RORA: variants seen among roughly 807,000 people sequenced by gnomAD.
RORA encodes the protein nuclear receptor ROR-alpha.
RORA carries 7 observed loss-of-function variants against 69.5 expected under a neutral mutation model. That is an observed-to-expected ratio of 0.10 (90% CI 0.06 to 0.19). RORA has a LOEUF of 0.19. Among genes scored for constraint, RORA ranks in the 10% least tolerant of loss-of-function variants. The pLI is 1.00. For missense variants in RORA, 457 were observed against 663.0 expected (o/e 0.69, Z 3.41); for synonymous variants, 261 against 240.8 (o/e 1.08, Z -0.78).
chr15:60,809,931 G>A (rs1013272849), intron 1 of RORA, among the ~76,000 whole-genome samples: 3 of 151,940 alleles, frequency 2.0e-5, no homozygotes, highest in Admixed American at 6.6e-5. Context: ...TCACCTTCTT[G>A]AAGCTATTTC....
intron 6 of RORA, among the ~76,000 whole-genome samples, chr15:60,504,096 C>T (rs759520971): frequency 2.0e-5 from 3 of 152,006 alleles, no homozygotes; most frequent in Non-Finnish European, 4.4e-5. Flanking sequence ...CCACCGTGCC[C>T]GGTCTGGATC....
chr15:60,500,840 G>C (rs1362666063), intron 9 of RORA, 119 bp downstream of exon 9: 2 of 574,534 alleles, frequency 3.5e-6, no homozygotes, highest in Non-Finnish European at 6.2e-6. Context: ...TTTAATAAGG[G>C]TGGAGACCTC....
intron 3 of RORA, among the ~76,000 whole-genome samples, chr15:60,522,771 A>T (rs1464892559): frequency 6.1e-5 from 2 of 32,978 alleles, no homozygotes; most frequent in South Asian, 3.8e-3. Flanking sequence ...CCTGTGTCTT[A>T]AAAAAAAAAA....
chr15:60,724,433 C>T (rs2071331912), intron 1 of RORA, among the ~76,000 whole-genome samples: 1 of 152,066 alleles, frequency 6.6e-6, no homozygotes, highest in African/African-American at 2.4e-5. Flanking sequence ...GTGGTAGAAC[C>T]AAGATTTGAA....
At chr15:61,098,299 GTCTC>G (rs1301495825) in intron 1 of RORA, among the ~76,000 whole-genome samples, 1 of 118,770 alleles carries the variant, frequency 8.4e-6, no homozygotes, top group Admixed American at 1.0e-4. Context: ...CTCCCTCACT[GTCTC>G]CCTCCCTCTC....
In RORA at chr15:60,906,935, T is replaced by C. The variant is rs191095513; in HGVS notation, c.167-228249A>G. On this transcript the variant is annotated intron_variant, in intron 1 of 10. Coordinates refer to ENST00000335670, the MANE Select transcript of RORA (RefSeq NM_134261.3). ...TTAATCCTCATAACAACTTTATGAG[T>C]TAGGAATTATTTCCTCTATTTTAAA... Among the ~76,000 whole-genome samples the C allele has an allele frequency of 3.9e-5, 6 of 152,248 alleles. No homozygotes were observed. In the East Asian group the frequency reaches 7.7e-4, roughly 20 times the overall value.
intron 1 of RORA, among the ~76,000 whole-genome samples, chr15:61,205,923 T>G (rs557857018): frequency 1.3e-5 from 2 of 152,264 alleles, no homozygotes; most frequent in Admixed American, 6.5e-5. Flanking sequence ...GCACGAGCCA[T>G]GGTCGAGAGC....
At chr15:60,611,067 G>C (rs2069073448) in intron 2 of RORA, among the ~76,000 whole-genome samples, 1 of 152,170 alleles carries the variant, frequency 6.6e-6, no homozygotes, top group South Asian at 2.1e-4. Context: ...AACAAAGGGA[G>C]AAAGAACGTA....
intron 2 of RORA, among the ~76,000 whole-genome samples, chr15:60,550,449 T>C (rs2067199749): frequency 6.6e-6 from 1 of 152,224 alleles, no homozygotes; most frequent in African/African-American, 2.4e-5. Context: ...TATGCGTCAA[T>C]AGTTTCTCCT....
intron 1 of RORA, among the ~76,000 whole-genome samples, chr15:60,785,094 A>C (rs778240497): frequency 1.3e-5 from 2 of 152,220 alleles, no homozygotes; most frequent in Non-Finnish European, 2.9e-5. Context: ...TTTACTCACG[A>C]TTATTGTGTT....
chr15:60,612,661 GTTTTTTTTT>G (rs71122864), intron 2 of RORA, among the ~76,000 whole-genome samples: 66 of 107,150 alleles, frequency 6.2e-4, no homozygotes, highest in South Asian at 1.3e-3. Context: ...CTCTCTCTCT[GTTTTTTTTT>G]TTTTTTTTTT....
rs1227627662 is a variant in RORA at position 60,490,843 on chromosome 15, A to C, written c.*6612T>G. The C allele has an allele frequency of 1.3e-5, 2 of 152,170 alleles. No individual in the cohort carries two copies. The highest frequency in any genetic ancestry group is 2.9e-5 in the Non-Finnish European group (2 of 68,004). The allele number at this position is 152,170 out of a possible 1,614,324, so 9.4% of individuals were successfully genotyped here. ...TTGCAAATAAACCACCTAACACTGC[A>C]GTTCTTTATACATATTAAAAGCCTT... On this transcript the variant is annotated 3_prime_UTR_variant, in exon 11 of 11. Coordinates refer to ENST00000335670, the MANE Select transcript of RORA (RefSeq NM_134261.3). This position sits in a 1 kb window ranked among gnomAD's most constrained non-coding sequence, Gnocchi z 4.1.
intron 1 of RORA, among the ~76,000 whole-genome samples, chr15:60,866,261 T>C (rs1276922066): frequency 6.6e-6 from 1 of 152,206 alleles, no homozygotes; most frequent in African/African-American, 2.4e-5. Flanking sequence ...CTGCATGAGT[T>C]CAAGATTTGT....
At chr15:61,045,425 G>A (rs760089092) in intron 1 of RORA, among the ~76,000 whole-genome samples, 1 of 152,206 alleles carries the variant, frequency 6.6e-6, no homozygotes, top group Non-Finnish European at 1.5e-5. Flanking sequence ...CAGACCTCCG[G>A]CTGAATGTTA....
At chr15:61,090,902 G>C (rs1016152050) in intron 1 of RORA, among the ~76,000 whole-genome samples, 1 of 151,860 alleles carries the variant, frequency 6.6e-6, no homozygotes, top group Non-Finnish European at 1.5e-5. Flanking sequence ...AGTCATTTAT[G>C]AGTCTCAGAA....
At chr15:60,640,962 A>T (rs1359839444) in intron 2 of RORA, among the ~76,000 whole-genome samples, 1 of 151,876 alleles carries the variant, frequency 6.6e-6, no homozygotes, top group African/African-American at 2.4e-5. Context: ...TCTTCTTTTA[A>T]TTTTTTTTGA....
intron 1 of RORA, among the ~76,000 whole-genome samples, chr15:60,784,813 T>C (rs1368362448): frequency 6.6e-6 from 1 of 152,220 alleles, no homozygotes; most frequent in Non-Finnish European, 1.5e-5. Flanking sequence ...AAATGTCGCC[T>C]ATGCCCTTCA....
At chr15:60,841,275 T>G (rs1285489865) in intron 1 of RORA, among the ~76,000 whole-genome samples, 1 of 152,180 alleles carries the variant, frequency 6.6e-6, no homozygotes, top group Non-Finnish European at 1.5e-5. Context: ...CTCCTGGGTA[T>G]GAAACACAGA....
chr15:60,578,664 A>G (rs2068098058), intron 2 of RORA, among the ~76,000 whole-genome samples: 1 of 152,182 alleles, frequency 6.6e-6, no homozygotes, highest in Admixed American at 6.5e-5. Context: ...GCAAACTTCC[A>G]ATTTTGTCAT....
Sources: gnomAD v4.1 joint callset for allele counts (sites outside exome capture counted in the v4.1 genomes callset) on GRCh38, gnomAD v4.1.1 for gene constraint, Gnocchi (gnomAD v3.1) non-coding constraint, MANE v1.5 for transcripts, NCBI Gene and HGNC (gene_info 2026-07-23, HGNC 2026-07-21) for gene names.